Variants in SLTM observed in about 807,000 individuals in gnomAD.
SLTM encodes the protein SAFB-like transcription modulator.
In SLTM, 43 loss-of-function variants were observed where a neutral mutation model predicts 134.6. The ratio of observed to expected loss-of-function variants is 0.32; its 90% CI spans 0.25 to 0.41. SLTM has a LOEUF of 0.41. Ranked by LOEUF, SLTM falls within the 10% of genes least tolerant of loss-of-function variation. The probability of loss-of-function intolerance (pLI) is 1.00; values close to 1 mark genes in which losing one functional copy is unlikely to be tolerated. For missense variants in SLTM, 1,055 were observed against 1,288.8 expected, an observed-to-expected ratio of 0.82 and a Z score of 2.78; for synonymous variants, 424 against 432.3, an observed-to-expected ratio of 0.98 and a Z score of 0.24.
intron 17 of SLTM, 173 bp from the exon 18 acceptor site, chr15:58,887,713 C>T (rs1265677315): frequency 3.6e-6 from 3 of 834,196 alleles, no homozygotes; most frequent in Non-Finnish European, 4.3e-6. Context: ...TTAAACTGAA[C>T]TAAGTGTCTA....
chr15:58,899,477 T>C lies in SLTM; in HGVS notation c.1050A>G (p.Gln350=), dbSNP rs1482610240. The C allele has an allele frequency of 1.2e-6, 2 of 1,613,796 alleles. No individual in the cohort carries two copies. The highest frequency in any genetic ancestry group is 1.7e-5 in the Admixed American group (1 of 59,980). The change falls in exon 7 of 21, where the codon CAA becomes CAG. Residue 350 remains glutamine, a synonymous_variant. Transcript: ENST00000380516. The surrounding 1 kb of genome is among the most constrained non-coding windows in gnomAD (Gnocchi z 5.0). ...KGPSSTGASG[Q]AKSSSKESKD... ...GACATAGAAAAACAAACCTCTTTGC[T>C]TGACCAGAGGCCCCAGTAGACGAGG...
chr15:58,892,843 TG>T, intron 14 of SLTM, 53 bp downstream of exon 14: 1 of 1,514,834 alleles, frequency 6.6e-7, no homozygotes, highest in East Asian at 2.3e-5. Flanking sequence ...TTACAACTAG[TG>T]TTAAATATTT....
intron 6 of SLTM, chr15:58,900,303 G>A (rs751189159): frequency 5.2e-6 from 1 of 192,238 alleles, no homozygotes; most frequent in Non-Finnish European, 1.1e-5. Flanking sequence ...AATTATCCTG[G>A]GATTGAACCC....
rs1399550406 is a variant in SLTM, at chr15:58,886,218, A to AGAGTGT, written c.2835+756_2835+757insACACTC. 4.8e-5 allele frequency among the ~76,000 whole-genome samples: 6 copies of AGAGTGT among 124,458 alleles called. 1 individual carries two copies. The highest frequency in any genetic ancestry group is 8.3e-5 in the Non-Finnish European group (5 of 60,546). The allele number at this position is 124,458 out of a possible 152,430, so 81.6% of individuals were successfully genotyped here. A position where few individuals can be genotyped will look rare whatever the true frequency, so the allele number is the denominator to read the frequency against. ...TTAAATGAAGCAGGAGAAAAAGAAG[A>AGAGTGT]GTGTGTGTGTGTGTGTGTGTGTGTG... On this transcript the variant is annotated intron_variant, in intron 19 of 20. Transcript: ENST00000380516.
At chr15:58,901,621 G>A (rs12903823) in intron 5 of SLTM, among the ~76,000 whole-genome samples, 4,049 of 152,244 alleles carry the variant, frequency 0.027, 123 homozygotes, top group African/African-American at 0.071. Flanking sequence ...ACCTGATGAC[G>A]TATTTTACGT....
intron 2 of SLTM, chr15:58,921,548 A>G: frequency 2.3e-6 from 1 of 441,146 alleles, no homozygotes; most frequent in South Asian, 1.6e-5. Context: ...CTGTTACAAT[A>G]CAATCACACT....
At chr15:58,880,809 G>A (rs1243890641) in intron 20 of SLTM, among the ~76,000 whole-genome samples, 3 of 151,968 alleles carry the variant, frequency 2.0e-5, no homozygotes, top group African/African-American at 7.2e-5. Context: ...CAAAAGATCT[G>A]CCAGCCTTGG....
rs751472683 is a variant in SLTM at position 58,893,951 on chromosome 15, C to G, written c.1518G>C (p.Ser506=). Residue 506 remains serine, a synonymous_variant, in exon 12 of 21, where the codon TCG becomes TCC. Transcript: ENST00000380516. ...TTTCTTTTTTTTCAGATTTCTCAGA[C>G]GATCTTTTCTCTTCTTTTTTGACAG... ...QASVKKEEKR[S]SEKSEKKESK... 1 of 1,611,646 alleles carries G rather than the reference C, an allele frequency of 6.2e-7. No individual in the cohort carries two copies. Among genetic ancestry groups the G allele is most frequent in the East Asian group, 2.2e-5 (1 of 44,808 alleles).
chr15:58,907,752 ATAC>A (rs1174532873), intron 5 of SLTM, among the ~76,000 whole-genome samples: 1 of 152,230 alleles, frequency 6.6e-6, no homozygotes, highest in African/African-American at 2.4e-5. Context: ...AATTGCACAT[ATAC>A]TACATCAGAA....
intron 5 of SLTM, among the ~76,000 whole-genome samples, chr15:58,905,080 G>C (rs1178184647): frequency 6.6e-6 from 1 of 152,198 alleles, no homozygotes; most frequent in Non-Finnish European, 1.5e-5. Flanking sequence ...CTGGCCTCAA[G>C]TGATCCTTTT....
intron 6 of SLTM, chr15:58,900,315 A>C (rs2035378681): frequency 1.1e-5 from 2 of 186,624 alleles, no homozygotes; most frequent in Non-Finnish European, 2.2e-5. Context: ...ATTGAACCCT[A>C]GTGACCTTCA....
At chr15:58,884,017 T>C (rs1384503300) in intron 19 of SLTM, among the ~76,000 whole-genome samples, 6 of 151,404 alleles carry the variant, frequency 4.0e-5, no homozygotes, top group Admixed American at 3.9e-4. Flanking sequence ...GAGAATCACT[T>C]GAACCCGGGA....
chr15:58,919,458 G>T (rs1316276555), intron 2 of SLTM, among the ~76,000 whole-genome samples: 1 of 152,024 alleles, frequency 6.6e-6, no homozygotes, highest in Non-Finnish European at 1.5e-5. Flanking sequence ...AACACAGCTG[G>T]GTGTCGCGGT....
At chr15:58,890,571 C>T in intron 14 of SLTM, 110 bp from the exon 15 acceptor site, 1 of 1,064,846 alleles carries the variant, frequency 9.4e-7, no homozygotes, top group Non-Finnish European at 1.3e-6. Flanking sequence ...AATTTCAACT[C>T]AATCTAAGTA....
intron 16 of SLTM, chr15:58,888,802 G>A: frequency 6.0e-6 from 2 of 334,760 alleles, no homozygotes; most frequent in East Asian, 5.1e-5. Context: ...TCCATTAAAT[G>A]GAAAAGACAT....
At chr15:58,910,597 C>A (rs2036197039) in intron 5 of SLTM, among the ~76,000 whole-genome samples, 1 of 152,274 alleles carries the variant, frequency 6.6e-6, no homozygotes, top group East Asian at 1.9e-4. Flanking sequence ...ATGCAACTCA[C>A]AAAGTGCAAA....
intron 3 of SLTM, 138 bp from the exon 4 acceptor site, chr15:58,913,834 C>G: frequency 1.6e-6 from 1 of 634,770 alleles, no homozygotes; most frequent in South Asian, 2.2e-5. Context: ...TTCATTTTAC[C>G]TTATATATTT....
Position 58,908,588 on chromosome 15 carries a change from C to T in SLTM, c.561+3975G>A, listed in dbSNP as rs922875257. ...CTTACTATGTTGCCCAGGCTGGTCTCGAACTCCTGGCCTTAAGCAATCCTT... is the reference window on the plus strand; with the variant it reads ...CTTACTATGTTGCCCAGGCTGGTCTTGAACTCCTGGCCTTAAGCAATCCTT... On this transcript the variant is annotated intron_variant, in intron 5 of 20. Coordinates refer to ENST00000380516, the MANE Select transcript of SLTM (RefSeq NM_024755.4). 2.6e-5 allele frequency among the ~76,000 whole-genome samples: 4 copies of T among 152,096 alleles called. No homozygotes were observed. The Middle Eastern group carries it at 0.01, about 391-fold the overall frequency.
intron 3 of SLTM, among the ~76,000 whole-genome samples, chr15:58,915,403 A>G (rs1026154456): frequency 1.3e-5 from 2 of 152,318 alleles, no homozygotes; most frequent in East Asian, 3.9e-4. Context: ...GAAGAGCTGA[A>G]AGAAACAAAT....
Sources: gnomAD v4.1 joint callset for allele counts (sites outside exome capture counted in the v4.1 genomes callset) on GRCh38, gnomAD v4.1.1 for gene constraint, Gnocchi (gnomAD v3.1) non-coding constraint, MANE v1.5 for transcripts, NCBI Gene and HGNC (gene_info 2026-07-23, HGNC 2026-07-21) for gene names.